The following PELI2 variants were observed in gnomAD, a reference collection of about 807,000 sequenced individuals.
PELI2 encodes the protein pellino E3 ubiquitin protein ligase family member 2, also known as E3 ubiquitin-protein ligase pellino homolog 2.
Under a neutral mutation model 42.3 loss-of-function variants are expected in PELI2, and 23 were observed. That is an observed-to-expected ratio of 0.54 (90% CI 0.39 to 0.77). The LOEUF (loss-of-function observed/expected upper bound fraction) is 0.77. PELI2 is among the 30% of genes least tolerant of loss of function. The pLI, the probability that PELI2 is intolerant of heterozygous loss-of-function variation, is 0.00. For synonymous variants in PELI2, 245 were observed against 212.2 expected, an observed-to-expected ratio of 1.15 and a Z score of -1.34; for missense variants, 463 against 553.2, an observed-to-expected ratio of 0.84 and a Z score of 1.64.
chr14:56,226,153 T>A (rs966952828), intron 2 of PELI2, among the ~76,000 whole-genome samples: 1 of 152,058 alleles, frequency 6.6e-6, no homozygotes, highest in African/African-American at 2.4e-5. Flanking sequence ...GACCCCAGGC[T>A]CACCTTGCTT....
intron 5 of PELI2, among the ~76,000 whole-genome samples, chr14:56,291,302 A>C (rs1019497829): frequency 6.6e-6 from 1 of 152,232 alleles, no homozygotes; most frequent in Non-Finnish European, 1.5e-5. Flanking sequence ...GATTTGACCT[A>C]GCACTTGTCA....
At chr14:56,246,071 T>A (rs1042364325) in intron 2 of PELI2, among the ~76,000 whole-genome samples, 13 of 152,148 alleles carry the variant, frequency 8.5e-5, no homozygotes, top group Admixed American at 7.2e-4. Context: ...ATCATATAAA[T>A]CTTAAAGTTA....
At chr14:56,260,499 A>C (rs1353272216) in intron 2 of PELI2, among the ~76,000 whole-genome samples, 1 of 152,202 alleles carries the variant, frequency 6.6e-6, no homozygotes, top group Non-Finnish European at 1.5e-5. Context: ...CTGCACAGTC[A>C]TGAAGGAACT....
At chr14:56,295,995 T>TAATC (rs1391887277) in intron 5 of PELI2, among the ~76,000 whole-genome samples, 2 of 152,264 alleles carry the variant, frequency 1.3e-5, no homozygotes, top group Non-Finnish European at 2.9e-5. Flanking sequence ...TGTCAGCTGT[T>TAATC]AATCAGTCTT....
At chr14:56,239,081 T>A (rs1188672361) in intron 2 of PELI2, among the ~76,000 whole-genome samples, 3 of 152,024 alleles carry the variant, frequency 2.0e-5, no homozygotes, top group Admixed American at 6.5e-5. Flanking sequence ...GAGGCCTTTT[T>A]ATGCTAATTA....
chr14:56,194,531 A>G (rs1486535257), intron 2 of PELI2, among the ~76,000 whole-genome samples: 1 of 152,196 alleles, frequency 6.6e-6, no homozygotes, highest in African/African-American at 2.4e-5. Flanking sequence ...TGAGCCACTG[A>G]TAGTGTTCCC....
intron 2 of PELI2, among the ~76,000 whole-genome samples, chr14:56,266,669 T>C (rs549157750): frequency 6.6e-6 from 1 of 152,156 alleles, no homozygotes; most frequent in Non-Finnish European, 1.5e-5. Flanking sequence ...CTGTGAAAAG[T>C]AGTTTGACAA....
Position 56,178,517 on chromosome 14 carries a change from A to G in PELI2, c.207+53A>G, listed in dbSNP as rs1199358138. ...GGTGCTGGCAAACAGTGACTCACAG[A>G]TACTCCTTGTCCGCTGCTCTCTTTC... On this transcript the variant is annotated intron_variant, in intron 2 of 5. Coordinates refer to ENST00000267460, the MANE Select transcript of PELI2 (RefSeq NM_021255.3). 3.8e-6 allele frequency: 6 copies of G among 1,591,616 alleles called. No individual in the cohort carries two copies. In the Admixed American group the frequency reaches 8.4e-5, roughly 22 times the overall value.
At chr14:56,185,640 A>G (rs1366611224) in intron 2 of PELI2, among the ~76,000 whole-genome samples, 1 of 152,196 alleles carries the variant, frequency 6.6e-6, no homozygotes, top group Non-Finnish European at 1.5e-5. Context: ...TACTTCAAGA[A>G]AGTAGAAGAG....
At position 56,265,526 on chromosome 14, in the gene PELI2, TC is replaced by T. The variant is rs538746147; in HGVS notation, c.208-14149del. On this transcript the variant is annotated intron_variant, in intron 2 of 5. Coordinates refer to ENST00000267460, the MANE Select transcript of PELI2 (RefSeq NM_021255.3). ...TCTAAGAGAAAACATAGAAGAAAAA[TC>T]TTTGCAATTTTGAGTTAGGAAGAAT... Among the ~76,000 whole-genome samples, 30 of 152,058 alleles carry T rather than the reference TC, an allele frequency of 2.0e-4. No individual in the cohort carries two copies. In the South Asian group the frequency reaches 3.7e-3, roughly 19 times the overall value.
chr14:56,276,620 C>T (rs919702231), intron 2 of PELI2, among the ~76,000 whole-genome samples: 2 of 152,206 alleles, frequency 1.3e-5, no homozygotes, highest in African/African-American at 4.8e-5. Flanking sequence ...TGTGCATTAC[C>T]TGCTGCCCCG....
chr14:56,194,469 G>A (rs746705875), intron 2 of PELI2, among the ~76,000 whole-genome samples: 1 of 152,114 alleles, frequency 6.6e-6, no homozygotes, highest in Admixed American at 6.5e-5. Flanking sequence ...TTCACCAGTC[G>A]CCATCCCTAG....
At chr14:56,190,367 T>C (rs1294446546) in intron 2 of PELI2, among the ~76,000 whole-genome samples, 2 of 152,234 alleles carry the variant, frequency 1.3e-5, no homozygotes, top group Non-Finnish European at 2.9e-5. Flanking sequence ...TAAGCAGATC[T>C]TACCCAGCAT....
chr14:56,192,969 G>A (rs1886005251), intron 2 of PELI2, among the ~76,000 whole-genome samples: 1 of 152,190 alleles, frequency 6.6e-6, no homozygotes, highest in Non-Finnish European at 1.5e-5. Flanking sequence ...TTAAAAAGCT[G>A]CATTGCTGTA....
chr14:56,122,615 G>A (rs545908910), intron 1 of PELI2, among the ~76,000 whole-genome samples: 8 of 145,470 alleles, frequency 5.5e-5, no homozygotes, highest in Non-Finnish European at 9.1e-5. Context: ...TTTTTCTTTT[G>A]ATGCTTCACA....
intron 2 of PELI2, among the ~76,000 whole-genome samples, chr14:56,238,231 T>C (rs2139787415): frequency 6.6e-6 from 1 of 152,358 alleles, no homozygotes; most frequent in Non-Finnish European, 1.5e-5. Context: ...AATATGCCTC[T>C]TGCAGTTCTA....
At chr14:56,234,913 G>A (rs1043119945) in intron 2 of PELI2, among the ~76,000 whole-genome samples, 1 of 152,068 alleles carries the variant, frequency 6.6e-6, no homozygotes, top group South Asian at 2.1e-4. Flanking sequence ...GCTGGCAGGG[G>A]CTTAAATTGC....
At chr14:56,262,020 A>G (rs1888730340) in intron 2 of PELI2, among the ~76,000 whole-genome samples, 1 of 152,236 alleles carries the variant, frequency 6.6e-6, no homozygotes, top group Non-Finnish European at 1.5e-5. Flanking sequence ...TGATGTCTTT[A>G]GGGTTTACCA....
At position 56,275,784 on chromosome 14, in the gene PELI2, C is replaced by A. The variant is rs536666077; in HGVS notation, c.208-3892C>A. ...AGCCTGTGGCCCAGGGGTTGGGGAC[C>A]CCTGGTGTACACAGCAAGCTGCTTG... On this transcript the variant is annotated intron_variant, in intron 2 of 5. Coordinates refer to ENST00000267460, the MANE Select transcript of PELI2 (RefSeq NM_021255.3). Among the ~76,000 whole-genome samples the A allele has an allele frequency of 9.1e-4, 139 of 152,082 alleles. 2 individuals are homozygous for A. Among genetic ancestry groups the A allele is most frequent in the African/African-American group, 3.1e-3 (129 of 41,496 alleles).
Sources: allele counts gnomAD v4.1 joint callset (sites outside exome capture counted in the v4.1 genomes callset), GRCh38; gene constraint gnomAD v4.1.1; transcripts MANE v1.5; gene names NCBI Gene and HGNC (gene_info 2026-07-23, HGNC 2026-07-21).